The following USH2A variants were observed in gnomAD, a reference collection of about 807,000 sequenced individuals.
USH2A encodes the protein Usher syndrome 2A (autosomal recessive, mild).
A neutral mutation model predicts 538.9 loss-of-function variants in USH2A; 443 were observed. The observed-to-expected ratio is 0.82, with a 90% CI of 0.76 to 0.89. USH2A has a LOEUF of 0.89. Ranked by LOEUF, USH2A falls within the 40% of genes least tolerant of loss-of-function variation. The pLI is 0.00. For missense variants in USH2A, 6,633 were observed against 6,324.8 expected, an observed-to-expected ratio of 1.05 and a Z score of -1.65; for synonymous variants, 2,413 against 2,273.5, an observed-to-expected ratio of 1.06 and a Z score of -1.75.
intron 9 of USH2A, among the ~76,000 whole-genome samples, chr1:216,304,494 A>T (rs2037275920): frequency 6.6e-6 from 1 of 151,922 alleles, no homozygotes; most frequent in Non-Finnish European, 1.5e-5. Flanking sequence ...TAGAAGATTC[A>T]TTATTATAAT....
chr1:215,903,176 C>A (rs534385941), intron 38 of USH2A, among the ~76,000 whole-genome samples: 2 of 152,026 alleles, frequency 1.3e-5, no homozygotes, highest in Non-Finnish European at 2.9e-5. Flanking sequence ...TGTATCAACT[C>A]GGCTGAGAGT....
chr1:215,867,195 A>G, intron 43 of USH2A, 25 bp from the exon 44 acceptor site: 3 of 1,610,574 alleles, frequency 1.9e-6, no homozygotes, highest in South Asian at 2.2e-5. Flanking sequence ...TGTTAAAAAA[A>G]GTATATGAAT....
chr1:215,761,804 C>T (rs374802859), intron 56 of USH2A, among the ~76,000 whole-genome samples: 5 of 152,232 alleles, frequency 3.3e-5, no homozygotes, highest in Admixed American at 3.3e-4. Flanking sequence ...TTCAGTCCTA[C>T]CACTTTATGT....
rs1553248234 is a variant in USH2A, at chr1:215,629,010, CG to C, written c.15322del (p.Arg5108GlyfsTer6). On this transcript the variant is annotated frameshift_variant, in exon 71 of 72. Transcript: ENST00000307340. LOFTEE classifies it high-confidence loss of function. ...GCGGATACTCACAGGTGTCCCAGAC[CG>C]GGGAATTTTGGTATCGGCTAACCCC... ...HMGLADTKIP[R>X]SGTPVSIRSN... is the part of the protein sequence containing the mutation. The C allele has an allele frequency of 1.2e-6, 2 of 1,613,200 alleles. No individual in the cohort carries two copies. The highest frequency in any genetic ancestry group is 1.7e-6 in the Non-Finnish European group (2 of 1,180,026).
chr1:215,647,563 C>A lies in USH2A; in HGVS notation c.14750G>T (p.Ser4917Ile), dbSNP rs147530266. 5.0e-6 allele frequency: 8 copies of A among 1,614,200 alleles called. No individual in the cohort carries two copies. Among genetic ancestry groups the A allele is most frequent in the Non-Finnish European group, 5.9e-6 (7 of 1,180,026 alleles). ...LRVVAHNEVGSTASEWISFTT... is the reference protein window; with the variant it reads ...LRVVAHNEVGITASEWISFTT... ...GAAACTGATCCACTCGGAAGCCGTACTGCCCACCTCGTTGTGTGCCACCAC... is the reference window on the plus strand; with the variant it reads ...GAAACTGATCCACTCGGAAGCCGTAATGCCCACCTCGTTGTGTGCCACCAC... The change falls in exon 67 of 72, where the codon AGT (serine) becomes ATT (isoleucine). Residue 4917 changes from serine (S) to isoleucine (I), a missense_variant. Physicochemically the swap from Ser to Ile is moderately radical, Grantham distance 142 (BLOSUM62 -2). Coordinates refer to ENST00000307340, the MANE Select transcript of USH2A (RefSeq NM_206933.4).
chr1:215,990,960 G>A (rs772716), intron 35 of USH2A, among the ~76,000 whole-genome samples: 133,853 of 151,802 alleles, frequency 0.88, 59,279 homozygotes, highest in African/African-American at 0.97. Flanking sequence ...ACGGAGTTTC[G>A]CTGTGTTAGC....
intron 56 of USH2A, among the ~76,000 whole-genome samples, chr1:215,762,428 T>A (rs1050180448): frequency 2.0e-5 from 3 of 152,088 alleles, no homozygotes; most frequent in Admixed American, 2.0e-4. Context: ...AAATGAAACA[T>A]AATTTTGGGT....
intron 32 of USH2A, among the ~76,000 whole-genome samples, chr1:216,037,307 T>G (rs1265811533): frequency 6.6e-6 from 1 of 152,156 alleles, no homozygotes; most frequent in Non-Finnish European, 1.5e-5. Context: ...ATTTTAATGC[T>G]AAAGCTTTGG....
intron 35 of USH2A, among the ~76,000 whole-genome samples, chr1:215,982,020 C>T (rs765567506): frequency 1.8e-4 from 28 of 152,204 alleles, no homozygotes; most frequent in Admixed American, 3.3e-4. Flanking sequence ...ATTCAATCAA[C>T]AAATTAGTTC....
At chr1:215,662,638 G>C (rs1657477703) in intron 64 of USH2A, among the ~76,000 whole-genome samples, 1 of 152,194 alleles carries the variant, frequency 6.6e-6, no homozygotes. Flanking sequence ...TCTATACATG[G>C]AAATGTCCCA....
intron 67 of USH2A, among the ~76,000 whole-genome samples, chr1:215,641,278 T>C (rs921892441): frequency 2.0e-5 from 3 of 152,216 alleles, no homozygotes; most frequent in Admixed American, 1.3e-4. Context: ...GTTAAAGCTT[T>C]TTCTCAAACT....
At chr1:215,870,350 A>C (rs1188519742) in intron 43 of USH2A, among the ~76,000 whole-genome samples, 1 of 150,792 alleles carries the variant, frequency 6.6e-6, no homozygotes, top group Non-Finnish European at 1.5e-5. Flanking sequence ...GCTGGAGTGC[A>C]GTGGCGCGAT....
chr1:215,929,925 T>A (rs1028378985), intron 38 of USH2A, among the ~76,000 whole-genome samples: 1 of 151,772 alleles, frequency 6.6e-6, no homozygotes, highest in Non-Finnish European at 1.5e-5. Context: ...GGTGGATAAG[T>A]GGAGAGGGGG....
At chr1:216,336,712 T>G (rs1358262205) in intron 4 of USH2A, among the ~76,000 whole-genome samples, 1 of 151,482 alleles carries the variant, frequency 6.6e-6, no homozygotes, top group Non-Finnish European at 1.5e-5. Context: ...ATTGGATATC[T>G]TATGTTTTTT....
intron 60 of USH2A, among the ~76,000 whole-genome samples, chr1:215,736,632 T>C (rs995252692): frequency 5.3e-5 from 8 of 152,004 alleles, no homozygotes; most frequent in Non-Finnish European, 1.0e-4. Context: ...TTTTCTTTAA[T>C]GTGGAAAGAA....
intron 14 of USH2A, among the ~76,000 whole-genome samples, chr1:216,224,652 G>A (rs763597801): frequency 1.2e-4 from 19 of 152,100 alleles, no homozygotes; most frequent in Middle Eastern, 3.4e-3. Context: ...TTAGGGCCGA[G>A]GTCTATTTTA....
At chr1:216,415,508 CTTTTTTTTTT>C (rs71161423) in intron 3 of USH2A, among the ~76,000 whole-genome samples, 2 of 96,906 alleles carry the variant, frequency 2.1e-5, no homozygotes, top group East Asian at 3.5e-4. Context: ...CTTCCTGTCA[CTTTTTTTTTT>C]TTTTTTTTTT....
At chr1:215,708,870 GT>G (rs1284682366) in intron 61 of USH2A, among the ~76,000 whole-genome samples, 1 of 152,126 alleles carries the variant, frequency 6.6e-6, no homozygotes, top group Non-Finnish European at 1.5e-5. Flanking sequence ...ACATATTGTA[GT>G]TTATGGTTCT....
intron 5 of USH2A, 35 bp downstream of exon 5, chr1:216,327,556 C>A (rs375918089): frequency 6.2e-7 from 1 of 1,608,738 alleles, no homozygotes; most frequent in Admixed American, 1.7e-5. Context: ...TTTATCCTTT[C>A]GGTTCTTGAG....
Sources: allele counts gnomAD v4.1 joint callset (sites outside exome capture counted in the v4.1 genomes callset), GRCh38; gene constraint gnomAD v4.1.1; transcripts MANE v1.5; gene names NCBI Gene and HGNC (gene_info 2026-07-23, HGNC 2026-07-21).